Variants in KCNH7 observed in about 807,000 individuals in gnomAD.
KCNH7 encodes the protein potassium voltage-gated channel subfamily H member 7, also known as voltage-gated inwardly rectifying potassium channel KCNH7.
KCNH7 carries 49 observed loss-of-function variants against 120.8 expected under a neutral mutation model. That is an observed-to-expected ratio of 0.41 (90% CI 0.32 to 0.51). The LOEUF (loss-of-function observed/expected upper bound fraction) is 0.51. KCNH7 is among the 20% of genes least tolerant of loss of function. KCNH7 has a pLI of 0.38. For synonymous variants in KCNH7, 547 were observed against 516.1 expected (o/e 1.06, Z -0.81); for missense variants, 1,097 against 1,446.6 (o/e 0.76, Z 3.92).
intron 6 of KCNH7, among the ~76,000 whole-genome samples, chr2:162,450,689 T>C (rs1688738299): frequency 6.6e-6 from 1 of 152,022 alleles, no homozygotes. Flanking sequence ...CTGAGAACAT[T>C]TCTTTCTATG....
chr2:162,412,257 AAAGGT>A (rs945719676), intron 9 of KCNH7, among the ~76,000 whole-genome samples: 1 of 152,106 alleles, frequency 6.6e-6, no homozygotes, highest in Non-Finnish European at 1.5e-5. Context: ...ATTTCACAAT[AAAGGT>A]AAAACTTTTT....
chr2:162,529,005 G>A (rs1691819819), intron 3 of KCNH7, among the ~76,000 whole-genome samples: 1 of 151,910 alleles, frequency 6.6e-6, no homozygotes, highest in Admixed American at 6.6e-5. Flanking sequence ...TGAAAAGGAA[G>A]AGTTTTTGGT....
chr2:162,732,035 A>T (rs1559105501), intron 2 of KCNH7, among the ~76,000 whole-genome samples: 1 of 152,180 alleles, frequency 6.6e-6, no homozygotes, highest in Non-Finnish European at 1.5e-5. Context: ...AACTACAGAC[A>T]CTAGGCAGAT....
chr2:162,797,096 G>C (rs940583564), intron 2 of KCNH7: 2 of 151,988 alleles, frequency 1.3e-5, no homozygotes, highest in Non-Finnish European at 2.9e-5. Flanking sequence ...AGGCATAATT[G>C]GTAAATCCTC....
chr2:162,561,240 C>T (rs902195429), intron 2 of KCNH7, among the ~76,000 whole-genome samples: 7 of 151,886 alleles, frequency 4.6e-5, no homozygotes, highest in Admixed American at 6.6e-5. Context: ...CCTTTAAACT[C>T]TTTTCTTTCT....
intron 2 of KCNH7, among the ~76,000 whole-genome samples, chr2:162,543,283 C>T (rs1050274399): frequency 5.6e-5 from 8 of 141,818 alleles, no homozygotes; most frequent in East Asian, 2.3e-4. Context: ...CACACACATA[C>T]GCACACACAC....
At chr2:162,448,423 C>T (rs1688657865) in intron 6 of KCNH7, among the ~76,000 whole-genome samples, 1 of 151,998 alleles carries the variant, frequency 6.6e-6, no homozygotes, top group Non-Finnish European at 1.5e-5. Flanking sequence ...TCCTTTCTTC[C>T]ATTAGATTCC....
intron 9 of KCNH7, among the ~76,000 whole-genome samples, chr2:162,416,857 C>A (rs945173897): frequency 7.2e-5 from 11 of 152,014 alleles, no homozygotes; most frequent in Non-Finnish European, 8.8e-5. Context: ...CCCCAAGATG[C>A]AAAGTAAAGG....
intron 9 of KCNH7, among the ~76,000 whole-genome samples, chr2:162,418,644 G>A (rs1046856504): frequency 2.6e-5 from 4 of 152,114 alleles, no homozygotes; most frequent in African/African-American, 7.2e-5. Context: ...TAGAGAATGA[G>A]TGTAACAAAG....
chr2:162,647,068 G>A (rs893479099), intron 2 of KCNH7, among the ~76,000 whole-genome samples: 2 of 152,156 alleles, frequency 1.3e-5, no homozygotes, highest in African/African-American at 4.8e-5. Flanking sequence ...ATACAGAGGG[G>A]CTTCAATGTG....
At chr2:162,504,069 T>A (rs1393019221) in intron 6 of KCNH7, among the ~76,000 whole-genome samples, 1 of 151,958 alleles carries the variant, frequency 6.6e-6, no homozygotes, top group Non-Finnish European at 1.5e-5. Flanking sequence ...TCAGAGCAAA[T>A]GCTAATTAGT....
intron 4 of KCNH7, among the ~76,000 whole-genome samples, chr2:162,514,121 TG>T (rs1173788889): frequency 6.6e-6 from 1 of 151,830 alleles, no homozygotes; most frequent in African/African-American, 2.4e-5. Flanking sequence ...TTTAAAATCT[TG>T]GGATATATCA....
At chr2:162,684,868 A>G (rs1216471485) in intron 2 of KCNH7, among the ~76,000 whole-genome samples, 1 of 152,176 alleles carries the variant, frequency 6.6e-6, no homozygotes. Context: ...AGAGGATTAT[A>G]AATCATTCTA....
chr2:162,739,015 C>T (rs1381830360), intron 2 of KCNH7, among the ~76,000 whole-genome samples: 1 of 152,140 alleles, frequency 6.6e-6, no homozygotes, highest in Non-Finnish European at 1.5e-5. Flanking sequence ...CTTCAGTGTG[C>T]TAATCACAAC....
At chr2:162,649,425 C>T (rs1207886514) in intron 2 of KCNH7, among the ~76,000 whole-genome samples, 1 of 152,114 alleles carries the variant, frequency 6.6e-6, no homozygotes, top group Non-Finnish European at 1.5e-5. Flanking sequence ...CTGTCTAGTG[C>T]TATTTTGTAT....
At chr2:162,567,036 T>C (rs1278883561) in intron 2 of KCNH7, among the ~76,000 whole-genome samples, 1 of 151,998 alleles carries the variant, frequency 6.6e-6, no homozygotes, top group African/African-American at 2.4e-5. Flanking sequence ...GTATATGGCA[T>C]GAACTCAACA....
chr2:162,390,834 G>A (rs547284580), intron 12 of KCNH7, among the ~76,000 whole-genome samples: 82 of 152,008 alleles, frequency 5.4e-4, no homozygotes, highest in African/African-American at 1.8e-3. Context: ...ACAAGCCACC[G>A]TCATCAACAA....
At chr2:162,512,574 G>C (rs1296812901) in intron 5 of KCNH7, 80 bp downstream of exon 5, 2 of 1,256,466 alleles carry the variant, frequency 1.6e-6, no homozygotes, top group Non-Finnish European at 2.3e-6. Flanking sequence ...CACTGAACAG[G>C]GCATACAGCA....
intron 7 of KCNH7, among the ~76,000 whole-genome samples, chr2:162,438,142 G>T (rs1386031886): frequency 2.0e-5 from 3 of 152,128 alleles, no homozygotes; most frequent in African/African-American, 2.4e-5. Context: ...TCTCCAAATA[G>T]TTGGTTAAAT....
Sources: allele counts gnomAD v4.1 joint callset (sites outside exome capture counted in the v4.1 genomes callset), GRCh38; gene constraint gnomAD v4.1.1; transcripts MANE v1.5; gene names NCBI Gene and HGNC (gene_info 2026-07-23, HGNC 2026-07-21).